The following SPTY2D1 variants were observed in gnomAD, a reference collection of about 807,000 sequenced individuals.
The protein encoded by SPTY2D1 is protein SPT2 homolog.
Under a neutral mutation model 64.0 loss-of-function variants are expected in SPTY2D1, and 21 were observed. The ratio of observed to expected loss-of-function variants is 0.33; its 90% CI spans 0.23 to 0.47. The LOEUF (loss-of-function observed/expected upper bound fraction) is 0.47. Among genes scored for constraint, SPTY2D1 ranks in the 20% least tolerant of loss-of-function variants. SPTY2D1 has a pLI of 1.00. For synonymous variants in SPTY2D1, 287 were observed against 286.8 expected, an observed-to-expected ratio of 1.00 and a Z score of -0.01; for missense variants, 724 against 837.2, an observed-to-expected ratio of 0.86 and a Z score of 1.67.
chr11:18,617,173 T>C (rs756825790), intron 1 of SPTY2D1, among the ~76,000 whole-genome samples, 184 bp from the exon 2 acceptor site: 1 of 152,230 alleles, frequency 6.6e-6, no homozygotes, highest in African/African-American at 2.4e-5. Flanking sequence ...TTATTACGTA[T>C]GGTGATTTTG....
At position 18,609,711 on chromosome 11, in the gene SPTY2D1, TCAAATGACAGCCTG is replaced by T; in HGVS notation, c.*136_*149del. The T allele has an allele frequency of 1.5e-6, 1 of 658,930 alleles. No homozygotes were observed. The highest frequency in any genetic ancestry group is 2.6e-6 in the Non-Finnish European group (1 of 382,452). 40.8% of individuals were successfully genotyped at this position (658,930 alleles called of 1,614,324 possible). The stretch of plus-strand genomic sequence containing the variant: ...GAAAATATCTGAAAATATTTTATGC[TCAAATGACAGCCTG>T]CAAATGACAGTATGCATTCCTTCTC... On this transcript the variant is annotated 3_prime_UTR_variant, in exon 6 of 6. Coordinates refer to ENST00000336349, the MANE Select transcript of SPTY2D1 (RefSeq NM_194285.3).
At chr11:18,609,977 T>C in intron 5 of SPTY2D1, 23 bp from the exon 6 acceptor site, 1 of 1,595,438 alleles carries the variant, frequency 6.3e-7, no homozygotes, top group South Asian at 1.1e-5. Flanking sequence ...TTTTAAAGGG[T>C]ATTTGTCAAT....
chr11:18,627,650 GGGTGGATCATGA>G (rs954295683), intron 1 of SPTY2D1, among the ~76,000 whole-genome samples: 1 of 152,142 alleles, frequency 6.6e-6, no homozygotes, highest in Non-Finnish European at 1.5e-5. Flanking sequence ...AGGCCGAGGG[GGGTGGATCATGA>G]GGTTAGGAGA....
intron 1 of SPTY2D1, among the ~76,000 whole-genome samples, chr11:18,625,602 G>C (rs1203916518): frequency 6.6e-6 from 1 of 151,730 alleles, no homozygotes. Flanking sequence ...TTGTCACCCA[G>C]GCGGCTGGAG....
In SPTY2D1 at chr11:18,617,207, T is replaced by A. The variant is rs139180728; in HGVS notation, c.61-218A>T. On this transcript the variant is annotated intron_variant, in intron 1 of 5. Coordinates refer to ENST00000336349, the MANE Select transcript of SPTY2D1 (RefSeq NM_194285.3). ...TGGGGTACAAAGTTTCCATGTAACA[T>A]CCCAAAATAATGCATAAATGAACAA... 3.0e-3 allele frequency among the ~76,000 whole-genome samples: 450 copies of A among 152,204 alleles called. 2 individuals are homozygous for A. The highest frequency in any genetic ancestry group is 0.011 in the African/African-American group (438 of 41,510).
chr11:18,624,952 TC>T (rs538692100), intron 1 of SPTY2D1, among the ~76,000 whole-genome samples: 19 of 152,088 alleles, frequency 1.2e-4, no homozygotes, highest in Non-Finnish European at 1.8e-4. Context: ...TCCGCCAAGA[TC>T]GCGCCATTGC....
intron 1 of SPTY2D1, among the ~76,000 whole-genome samples, chr11:18,623,610 T>C (rs1012841907): frequency 6.6e-6 from 1 of 152,184 alleles, no homozygotes; most frequent in East Asian, 1.9e-4. Context: ...ATGGGTCTCA[T>C]CCAATCATGC....
In SPTY2D1 at chr11:18,614,796, C is replaced by G. The variant is rs1225159038; in HGVS notation, c.1478G>C (p.Gly493Ala). The G allele has an allele frequency of 3.1e-6, 5 of 1,613,064 alleles. No homozygotes were observed. The highest frequency in any genetic ancestry group is 4.2e-6 in the Non-Finnish European group (5 of 1,179,300). Reference sequence around the variant, plus strand: ...TGGAATTGAGCCACTTATGGATCTCCCAGGGCCACTGACAGACCGCCCCGG... The same window carrying G: ...TGGAATTGAGCCACTTATGGATCTCGCAGGGCCACTGACAGACCGCCCCGG... ...GPPGRSVSGP[G>A]RSISGSIPAG... The change falls in exon 3 of 6, where the codon GGG becomes GCG. Residue 493 changes from glycine to alanine, a missense_variant. Physicochemically the swap from Gly to Ala is moderately conservative, Grantham distance 60. This residue lies in a region of SPTY2D1 where 426 missense variants were observed against 431.8 expected (regional missense o/e 0.99). Transcript: ENST00000336349.
intron 1 of SPTY2D1, among the ~76,000 whole-genome samples, chr11:18,631,222 A>G (rs1437867855): frequency 6.6e-6 from 1 of 152,226 alleles, no homozygotes; most frequent in East Asian, 1.9e-4. Flanking sequence ...CATAGTGTAC[A>G]GGGTAACAGA....
At chr11:18,632,601 G>A (rs1194825292) in intron 1 of SPTY2D1, among the ~76,000 whole-genome samples, 2 of 152,146 alleles carry the variant, frequency 1.3e-5, no homozygotes, top group African/African-American at 4.8e-5. Flanking sequence ...CTCCCGCCTA[G>A]GCCTCCCAAA....
chr11:18,614,817 C>G lies in SPTY2D1; in HGVS notation c.1457G>C (p.Gly486Ala), dbSNP rs540389189. The part of the protein sequence containing the change: ...RRPVSGLGPP[G>A]RSVSGPGRSI... ...TCTCCCAGGGCCACTGACAGACCGC[C>G]CCGGGGGGCCCAAGCCACTCACTGG... Residue 486 changes from glycine to alanine, a missense_variant, in exon 3 of 6, where the codon GGG becomes GCG. Around this residue, in one of 3 missense-constraint regions of SPTY2D1, gnomAD observed 426 missense variants for 431.8 expected, o/e 0.99. Transcript: ENST00000336349. 6.2e-7 allele frequency: 1 copy of G among 1,613,228 alleles called. No individual in the cohort carries two copies. The highest frequency in any genetic ancestry group is 8.5e-7 in the Non-Finnish European group (1 of 1,179,556).
rs769728319 is a variant in SPTY2D1, at chr11:18,615,018, G to A, written c.1256C>T (p.Thr419Ile). Residue 419 changes from threonine (T) to isoleucine (I), a missense_variant, in exon 3 of 6, where the codon ACC becomes ATC. Transcript: ENST00000336349. ...ERSISGSKKP[T>I]NDSNPSRRTV... Reference sequence around the variant, plus strand: ...CCGCCTAGAGGGATTTGAGTCATTGGTTGGCTTCTTGGACCCACTGATTGA... The same window carrying A: ...CCGCCTAGAGGGATTTGAGTCATTGATTGGCTTCTTGGACCCACTGATTGA... The A allele has an allele frequency of 6.2e-7, 1 of 1,614,190 alleles. No individual in the cohort carries two copies. The highest frequency in any genetic ancestry group is 1.7e-5 in the Admixed American group (1 of 60,030).
At position 18,634,290 on chromosome 11, in the gene SPTY2D1, A is replaced by T; in HGVS notation, c.-33T>A. On this transcript the variant is annotated 5_prime_UTR_variant, in exon 1 of 6. Coordinates refer to ENST00000336349, the MANE Select transcript of SPTY2D1 (RefSeq NM_194285.3). ...CGAGGCGGGAGAGACTGGGCCAGGC[A>T]CTCGGAAAGGACTGACAGCGCACCT... 1 of 1,612,616 alleles carries T rather than the reference A, an allele frequency of 6.2e-7. No homozygotes were observed. Among genetic ancestry groups the T allele is most frequent in the Non-Finnish European group, 8.5e-7 (1 of 1,178,952 alleles).
Position 18,609,098 on chromosome 11 carries a change from T to C in SPTY2D1, c.*763A>G, listed in dbSNP as rs1179883858. On this transcript the variant is annotated 3_prime_UTR_variant, in exon 6 of 6. Transcript: ENST00000336349. Reference sequence around the variant, plus strand: ...TCTTCGATATAAAAATGAATTTTTTTAGATAAAAATCAATCAGCACAGTGA... The same window carrying C: ...TCTTCGATATAAAAATGAATTTTTTCAGATAAAAATCAATCAGCACAGTGA... 6.6e-6 allele frequency: 1 copy of C among 152,246 alleles called. No individual in the cohort carries two copies. The highest frequency in any genetic ancestry group is 1.5e-5 in the Non-Finnish European group (1 of 68,052). 9.4% of individuals were successfully genotyped at this position (152,246 alleles called of 1,614,324 possible).
intron 5 of SPTY2D1, chr11:18,610,161 A>T (rs1590398694): frequency 6.2e-6 from 3 of 483,046 alleles, no homozygotes. Flanking sequence ...AAGAACTCAC[A>T]CACCACAAAA....
rs1049289788 is a variant in SPTY2D1 at position 18,607,126 on chromosome 11, G to T, written c.*2735C>A. The T allele has an allele frequency of 5.5e-6, 1 of 182,916 alleles. No homozygotes were observed. Among genetic ancestry groups the T allele is most frequent in the African/African-American group, 2.4e-5 (1 of 41,610 alleles). The allele number at this position is 182,916 out of a possible 1,614,324, so 11.3% of individuals were successfully genotyped here. On this transcript the variant is annotated 3_prime_UTR_variant, in exon 6 of 6. Transcript: ENST00000336349. ...GATCCGCCCGCCTCGGCCTCCCAAA[G>T]TGCTGGGATTACAGGCTTGAGCCAC... is the stretch of plus-strand genomic sequence containing the variant.
intron 1 of SPTY2D1, among the ~76,000 whole-genome samples, chr11:18,620,886 CAAA>C (rs10715602): frequency 2.5e-5 from 3 of 122,008 alleles, no homozygotes; most frequent in African/African-American, 3.0e-5. Context: ...GACTCTATCT[CAAA>C]AAAAAAAAAA....
chr11:18,620,622 G>A (rs1854379036), intron 1 of SPTY2D1, among the ~76,000 whole-genome samples: 1 of 151,550 alleles, frequency 6.6e-6, no homozygotes, highest in Admixed American at 6.6e-5. Flanking sequence ...CACGGTGGCT[G>A]ACACCTTTAA....
rs1304262829 is a variant in SPTY2D1, at chr11:18,607,825, CTT to C, written c.*2034_*2035del. ...AGACACACAAGGTTAAAACCTGATT[CTT>C]CCCACTAAGTTCTGGAAATTTATTC... On this transcript the variant is annotated 3_prime_UTR_variant, in exon 6 of 6. Coordinates refer to ENST00000336349, the MANE Select transcript of SPTY2D1 (RefSeq NM_194285.3). The C allele has an allele frequency of 1.3e-4, 20 of 152,128 alleles. No individual in the cohort carries two copies. The highest frequency in any genetic ancestry group is 3.9e-4 in the African/African-American group (16 of 41,420). The allele number at this position is 152,128 out of a possible 1,614,324, so 9.4% of individuals were successfully genotyped here.
Sources: allele counts gnomAD v4.1 joint callset (sites outside exome capture counted in the v4.1 genomes callset), GRCh38; gene constraint gnomAD v4.1.1; regional missense constraint gnomAD v4.1.1; transcripts MANE v1.5; gene names NCBI Gene and HGNC (gene_info 2026-07-23, HGNC 2026-07-21).